Variants in CPM observed in about 807,000 individuals in gnomAD.
CPM encodes the protein renal carboxypeptidase.
A neutral mutation model predicts 46.4 loss-of-function variants in CPM; 35 were observed. The ratio of observed to expected loss-of-function variants is 0.75; its 90% CI spans 0.58 to 1.00. The LOEUF (loss-of-function observed/expected upper bound fraction) is 1.00. Ranked by LOEUF, CPM falls within the 50% of genes least tolerant of loss-of-function variation. The pLI is 0.00. For missense variants in CPM, 422 were observed against 530.4 expected, an observed-to-expected ratio of 0.80 and a Z score of 2.01; for synonymous variants, 195 against 195.3, an observed-to-expected ratio of 1.00 and a Z score of 0.01.
At chr12:68,898,530 T>C (rs1012108787) in intron 2 of CPM, among the ~76,000 whole-genome samples, 6 of 152,140 alleles carry the variant, frequency 3.9e-5, no homozygotes, top group African/African-American at 1.4e-4. Context: ...GAACATTTGG[T>C]GGATTAACAA....
chr12:68,920,624 G>A (rs7979694), intron 2 of CPM, among the ~76,000 whole-genome samples: 1 of 151,810 alleles, frequency 6.6e-6, no homozygotes, highest in African/African-American at 2.4e-5. Context: ...GAGTATAGAG[G>A]GGGGAAAAGA....
chr12:68,926,416 T>C (rs543273695), intron 2 of CPM, among the ~76,000 whole-genome samples: 6 of 152,230 alleles, frequency 3.9e-5, no homozygotes, highest in East Asian at 3.9e-4. Flanking sequence ...GGCTACTGAA[T>C]TGAACAGCTC....
At chr12:68,952,926 T>C (rs1359623126) in intron 1 of CPM, among the ~76,000 whole-genome samples, 1 of 152,216 alleles carries the variant, frequency 6.6e-6, no homozygotes, top group Non-Finnish European at 1.5e-5. Flanking sequence ...ACATGAGGCT[T>C]GAGCTCTGTT....
At chr12:68,879,606 C>A (rs1886102167) in intron 3 of CPM, among the ~76,000 whole-genome samples, 1 of 152,130 alleles carries the variant, frequency 6.6e-6, no homozygotes, top group Non-Finnish European at 1.5e-5. Flanking sequence ...CTCAAGCAAT[C>A]TCCCCAGCTT....
At chr12:68,915,155 A>G (rs1369816126) in intron 2 of CPM, among the ~76,000 whole-genome samples, 1 of 152,142 alleles carries the variant, frequency 6.6e-6, no homozygotes, top group Non-Finnish European at 1.5e-5. Flanking sequence ...AATTTTAGTG[A>G]GAAATTACGT....
chr12:68,897,694 G>A (rs1416889295), intron 2 of CPM, among the ~76,000 whole-genome samples: 2 of 144,346 alleles, frequency 1.4e-5, no homozygotes, highest in African/African-American at 2.6e-5. Context: ...TGGAGATCGT[G>A]CCATTGCACT....
intron 2 of CPM, among the ~76,000 whole-genome samples, chr12:68,896,525 G>A (rs963970394): frequency 1.3e-5 from 2 of 152,162 alleles, no homozygotes; most frequent in African/African-American, 4.8e-5. Flanking sequence ...TGGAGTCCGA[G>A]TCACCTTTGG....
chr12:68,920,844 CCAT>C (rs1425666065), intron 2 of CPM, among the ~76,000 whole-genome samples: 1 of 151,534 alleles, frequency 6.6e-6, no homozygotes, highest in Non-Finnish European at 1.5e-5. Flanking sequence ...GTGTGCACCA[CCAT>C]GCCTGGCTAA....
chr12:68,921,537 G>T (rs558734775), intron 2 of CPM, among the ~76,000 whole-genome samples: 1 of 152,220 alleles, frequency 6.6e-6, no homozygotes, highest in South Asian at 2.1e-4. Context: ...TGTTTTAGGG[G>T]GCTGAAGGCA....
intron 7 of CPM, among the ~76,000 whole-genome samples, chr12:68,865,215 T>A (rs1455922321): frequency 6.6e-6 from 1 of 152,162 alleles, no homozygotes; most frequent in Non-Finnish European, 1.5e-5. Flanking sequence ...AAAGTCCCAA[T>A]AATAAGTTTA....
chr12:68,953,354 C>T (rs1199912145), intron 1 of CPM, among the ~76,000 whole-genome samples: 1 of 152,040 alleles, frequency 6.6e-6, no homozygotes, highest in East Asian at 1.9e-4. Flanking sequence ...GAATATTCTT[C>T]CTCCTGACTC....
chr12:68,863,275 T>A (rs1235111641), intron 7 of CPM, among the ~76,000 whole-genome samples: 1 of 152,156 alleles, frequency 6.6e-6, no homozygotes, highest in Non-Finnish European at 1.5e-5. Flanking sequence ...TAGGTTCAGA[T>A]CTGCTTTGAG....
At chr12:68,900,824 G>A (rs924727360) in intron 2 of CPM, among the ~76,000 whole-genome samples, 2 of 152,162 alleles carry the variant, frequency 1.3e-5, no homozygotes, top group South Asian at 2.1e-4. Flanking sequence ...TGAAACAGGC[G>A]AAATTATGGA....
intron 2 of CPM, among the ~76,000 whole-genome samples, chr12:68,917,070 G>A (rs374335391): frequency 6.6e-6 from 1 of 152,034 alleles, no homozygotes; most frequent in Admixed American, 6.6e-5. Flanking sequence ...GCCTGTATAA[G>A]GTCCTCCATA....
intron 5 of CPM, among the ~76,000 whole-genome samples, 196 bp from the exon 6 acceptor site, chr12:68,869,691 T>C (rs1168542493): frequency 6.6e-6 from 1 of 152,148 alleles, no homozygotes. Flanking sequence ...CCCAAATAAG[T>C]CAGATACAAA....
At chr12:68,858,235 T>A (rs963798511) in intron 8 of CPM, among the ~76,000 whole-genome samples, 3 of 152,142 alleles carry the variant, frequency 2.0e-5, no homozygotes, top group East Asian at 1.9e-4. Context: ...AATAGAAGAA[T>A]CCTGAATTTC....
chr12:68,873,719 G>T (rs915010630), intron 3 of CPM, among the ~76,000 whole-genome samples: 15 of 149,476 alleles, frequency 1.0e-4, no homozygotes, highest in Non-Finnish European at 1.9e-4. Context: ...ATGAATTATA[G>T]ATTCATAGGC....
upstream of CPM, among the ~76,000 whole-genome samples, chr12:68,935,636 G>GTT (rs35183489): frequency 4.1e-5 from 6 of 145,836 alleles, no homozygotes; most frequent in African/African-American, 5.0e-5. Flanking sequence ...CTTTGAGTAG[G>GTT]TTTTTTTTTT....
intron 3 of CPM, among the ~76,000 whole-genome samples, chr12:68,882,025 T>TGG (rs1555195281): frequency 1.1e-4 from 2 of 17,740 alleles, no homozygotes; most frequent in Non-Finnish European, 2.6e-4. Flanking sequence ...CCCGGCCTGC[T>TGG]TTTTTTTTTT....
Sources: gnomAD v4.1 joint callset for allele counts (sites outside exome capture counted in the v4.1 genomes callset) on GRCh38, gnomAD v4.1.1 for gene constraint, MANE v1.5 for transcripts, NCBI Gene and HGNC (gene_info 2026-07-23, HGNC 2026-07-21) for gene names.